Variants in VIPR2 observed in about 807,000 individuals in gnomAD.
VIPR2 encodes vasoactive intestinal peptide receptor 2, also known as vasoactive intestinal polypeptide receptor 2.
A neutral mutation model predicts 58.0 loss-of-function variants in VIPR2; 48 were observed. That is an observed-to-expected ratio of 0.83 (90% CI 0.66 to 1.05). The LOEUF (loss-of-function observed/expected upper bound fraction) is 1.05, where lower values mean the gene tolerates loss of function less well. VIPR2 is among the 50% of genes least tolerant of loss of function. VIPR2 has a pLI of 0.00. For missense variants in VIPR2, 534 were observed against 558.0 expected, an observed-to-expected ratio of 0.96 and a Z score of 0.43; for synonymous variants, 243 against 235.2, an observed-to-expected ratio of 1.03 and a Z score of -0.30.
At position 159,097,734 on chromosome 7, in the gene VIPR2, G is replaced by A. The variant is rs965018450; in HGVS notation, c.357+6023C>T. On this transcript the variant is annotated intron_variant, in intron 4 of 12. Transcript: ENST00000262178. The surrounding 1 kb of genome is among the most constrained non-coding windows in gnomAD (Gnocchi z 5.3). ...TGAAGAGGCACCTTTCAGAAGCTGA[G>A]CAGCAATTGTAGCCAGTTGGGACAC... Among the ~76,000 whole-genome samples, 4 of 152,220 alleles carry A rather than the reference G, an allele frequency of 2.6e-5. No homozygotes were observed. The highest frequency in any genetic ancestry group is 9.6e-5 in the African/African-American group (4 of 41,460).
chr7:159,135,878 C>T (rs6459928), intron 2 of VIPR2, among the ~76,000 whole-genome samples: 30,579 of 152,020 alleles, frequency 0.2, 3,222 homozygotes, highest in African/African-American at 0.25. Context: ...GTCAGCCGGA[C>T]GGTTTAATTT....
chr7:159,135,030 TA>T (rs752534022), intron 2 of VIPR2, among the ~76,000 whole-genome samples: 988 of 85,654 alleles, frequency 0.012, 131 homozygotes, highest in East Asian at 0.086. Flanking sequence ...TTTTTTTTTT[TA>T]ACATTTTAAG....
intron 4 of VIPR2, among the ~76,000 whole-genome samples, chr7:159,075,246 A>G (rs987868137): frequency 7.2e-5 from 11 of 152,330 alleles, no homozygotes; most frequent in Non-Finnish European, 1.3e-4. Context: ...ATGTCCATTT[A>G]CCCACTTAAA....
chr7:159,125,534 C>T (rs2129497092), intron 2 of VIPR2, among the ~76,000 whole-genome samples: 2 of 152,310 alleles, frequency 1.3e-5, no homozygotes, highest in East Asian at 3.9e-4. Context: ...GCACCTCCTG[C>T]AGCAGCTGTC....
In VIPR2 at chr7:159,099,696, T is replaced by C. The variant is rs897441993; in HGVS notation, c.357+4061A>G. ...ATGTCTCCCAGGCACAGTTGCCGGC[T>C]AGGTGCAGACGAAGATGAAGACTCA... On this transcript the variant is annotated intron_variant, in intron 4 of 12. Coordinates refer to ENST00000262178, the MANE Select transcript of VIPR2 (RefSeq NM_003382.5). The surrounding 1 kb of genome is among the most constrained non-coding windows in gnomAD (Gnocchi z 4.2). 2.6e-5 allele frequency among the ~76,000 whole-genome samples: 4 copies of C among 152,080 alleles called. No homozygotes were observed. Among genetic ancestry groups the C allele is most frequent in the African/African-American group, 9.7e-5 (4 of 41,388 alleles).
At chr7:159,056,596 A>G (rs1484731941) in intron 5 of VIPR2, among the ~76,000 whole-genome samples, 2 of 152,120 alleles carry the variant, frequency 1.3e-5, no homozygotes, top group Non-Finnish European at 2.9e-5. Context: ...GAGCGTCAAC[A>G]CTGCACACTT....
At chr7:159,134,976 G>C (rs1031438582) in intron 2 of VIPR2, among the ~76,000 whole-genome samples, 7 of 112,904 alleles carry the variant, frequency 6.2e-5, no homozygotes, top group African/African-American at 2.3e-4. Context: ...ATATTTTCTT[G>C]AATATTGGTC....
At chr7:159,030,930 A>C in intron 12 of VIPR2, 141 bp from the exon 13 acceptor site, 3 of 1,183,530 alleles carry the variant, frequency 2.5e-6, no homozygotes, top group Non-Finnish European at 1.1e-6. Flanking sequence ...CAGAAACAGA[A>C]ACGGCCTTGG....
intron 4 of VIPR2, among the ~76,000 whole-genome samples, chr7:159,094,848 T>C (rs1171554446): frequency 6.6e-6 from 1 of 152,178 alleles, no homozygotes; most frequent in Non-Finnish European, 1.5e-5. Context: ...ACAGAGACAT[T>C]TGGAGCTTTT....
chr7:159,117,442 CAT>C (rs1796281176), intron 2 of VIPR2: 1 of 717,106 alleles, frequency 1.4e-6, no homozygotes, highest in Non-Finnish European at 2.6e-6. Context: ...GCACATGAAA[CAT>C]AGTGCCGCAC....
At chr7:159,139,266 G>A (rs1485185130) in intron 2 of VIPR2, among the ~76,000 whole-genome samples, 1 of 152,214 alleles carries the variant, frequency 6.6e-6, no homozygotes, top group African/African-American at 2.4e-5. Flanking sequence ...GGATTTGCCA[G>A]CAGCCTCCTT....
At chr7:159,070,024 G>A (rs987295726) in intron 4 of VIPR2, among the ~76,000 whole-genome samples, 10 of 152,166 alleles carry the variant, frequency 6.6e-5, no homozygotes, top group Non-Finnish European at 1.3e-4. Context: ...TTTCCCTCCA[G>A]ACAGAACCTG....
chr7:159,103,153 A>G (rs1373888731), intron 4 of VIPR2, among the ~76,000 whole-genome samples: 1 of 152,208 alleles, frequency 6.6e-6, no homozygotes. Context: ...AGCCCTGCAG[A>G]AGGGTTCACA....
chr7:159,080,890 C>G (rs1340950192), intron 4 of VIPR2, among the ~76,000 whole-genome samples: 2 of 152,000 alleles, frequency 1.3e-5, no homozygotes, highest in Non-Finnish European at 2.9e-5. Context: ...GAATAAAATA[C>G]CTAGGAATCC....
chr7:159,110,050 A>G (rs3750072), intron 2 of VIPR2, 131 bp from the exon 3 acceptor site: 208,384 of 784,748 alleles, frequency 0.27, 29,720 homozygotes, highest in African/African-American at 0.46. Context: ...ACAATTATTG[A>G]GACTATAGTT....
intron 4 of VIPR2, among the ~76,000 whole-genome samples, chr7:159,078,072 C>G (rs536644785): frequency 6.6e-6 from 1 of 152,310 alleles, no homozygotes; most frequent in Admixed American, 6.5e-5. Flanking sequence ...AACATTCATG[C>G]CTGTTCCTGT....
chr7:159,125,362 T>A (rs1474296625), intron 2 of VIPR2, among the ~76,000 whole-genome samples: 1 of 152,178 alleles, frequency 6.6e-6, no homozygotes, highest in Non-Finnish European at 1.5e-5. Flanking sequence ...CAGTGTAAGA[T>A]GTTCTTGGCC....
At chr7:159,141,296 G>T (rs1341736015) in intron 2 of VIPR2, among the ~76,000 whole-genome samples, 1 of 152,260 alleles carries the variant, frequency 6.6e-6, no homozygotes, top group Non-Finnish European at 1.5e-5. Context: ...TGGAAGATGG[G>T]CCAGAACCAT....
At chr7:159,141,564 T>C (rs1274523887) in intron 2 of VIPR2, among the ~76,000 whole-genome samples, 2 of 152,250 alleles carry the variant, frequency 1.3e-5, no homozygotes, top group African/African-American at 4.8e-5. Context: ...TAGCATCAAA[T>C]AAGAATGCAA....
Sources: gnomAD v4.1 joint callset for allele counts (sites outside exome capture counted in the v4.1 genomes callset) on GRCh38, gnomAD v4.1.1 for gene constraint, Gnocchi (gnomAD v3.1) non-coding constraint, MANE v1.5 for transcripts, NCBI Gene and HGNC (gene_info 2026-07-23, HGNC 2026-07-21) for gene names.